The following TCF4 variants were observed in gnomAD, a reference collection of about 807,000 sequenced individuals.
The protein encoded by TCF4 is SL3-3 enhancer factor 2.
A neutral mutation model predicts 82.1 loss-of-function variants in TCF4; 3 were observed. That is an observed-to-expected ratio of 0.04 (90% CI 0.02 to 0.09). TCF4 has a LOEUF of 0.09. Ranked by LOEUF, TCF4 falls within the 10% of genes least tolerant of loss-of-function variation. The probability of loss-of-function intolerance (pLI) is 1.00; values close to 1 mark genes in which losing one functional copy is unlikely to be tolerated. For missense variants in TCF4, 518 were observed against 852.7 expected (o/e 0.61, Z 4.89); for synonymous variants, 276 against 309.6 (o/e 0.89, Z 1.14).
intron 5 of TCF4, among the ~76,000 whole-genome samples, chr18:55,420,241 T>C (rs1479904101): frequency 6.6e-6 from 1 of 152,174 alleles, no homozygotes; most frequent in African/African-American, 2.4e-5. Context: ...GGGGAGAAGA[T>C]GTCTCTAAAG....
chr18:55,619,285 T>C (rs1239873720), intron 2 of TCF4, among the ~76,000 whole-genome samples: 1 of 152,192 alleles, frequency 6.6e-6, no homozygotes, highest in Non-Finnish European at 1.5e-5. Context: ...TTTTGAGAAA[T>C]CCTAACCCAT....
intron 6 of TCF4, among the ~76,000 whole-genome samples, chr18:55,366,939 T>A (rs574648910): frequency 6.6e-6 from 1 of 152,206 alleles, no homozygotes; most frequent in Non-Finnish European, 1.5e-5. Flanking sequence ...CTATTAACAA[T>A]TTTGGTTGTT....
chr18:55,616,333 G>A (rs1393900381), intron 2 of TCF4, among the ~76,000 whole-genome samples: 1 of 152,036 alleles, frequency 6.6e-6, no homozygotes, highest in African/African-American at 2.4e-5. Context: ...ATATTCCATG[G>A]TGTATATGCC....
At chr18:55,457,235 C>A (rs1054297681) in intron 5 of TCF4, among the ~76,000 whole-genome samples, 1 of 152,160 alleles carries the variant, frequency 6.6e-6, no homozygotes, top group African/African-American at 2.4e-5. Flanking sequence ...AAAACACTTA[C>A]AAGTATCAAC....
In TCF4 at chr18:55,631,947, C is replaced by A. The variant is rs182378786; in HGVS notation, c.196-559G>T. On this transcript the variant is annotated intron_variant, in intron 1 of 20. Coordinates refer to the TCF4 transcript ENST00000398339. ...AATCTCATCCTTTTAGTCCCTTAAC[C>A]CTAGTGGGGTAGCATCCTTCTGCAG... is the stretch of plus-strand genomic sequence containing the variant. Among the ~76,000 whole-genome samples the A allele has an allele frequency of 1.1e-4, 17 of 152,290 alleles. No individual in the cohort carries two copies. The East Asian group carries it at 3.1e-3, about 28-fold the overall frequency.
At chr18:55,381,923 T>G (rs568773454) in intron 6 of TCF4, among the ~76,000 whole-genome samples, 1 of 134,030 alleles carries the variant, frequency 7.5e-6, no homozygotes, top group Non-Finnish European at 1.6e-5. Flanking sequence ...TTTTTTTTTT[T>G]TTAAAAAAGG....
intron 8 of TCF4, among the ~76,000 whole-genome samples, chr18:55,308,271 A>T (rs570600148): frequency 5.3e-5 from 8 of 152,360 alleles, no homozygotes; most frequent in South Asian, 2.1e-4. Context: ...ACATATTTTT[A>T]AAAAATTTTA....
rs2045984041 is a variant in TCF4 at position 55,222,367 on chromosome 18, A to T, written c.*5668T>A. The T allele has an allele frequency of 6.6e-6, 1 of 152,226 alleles. No individual in the cohort carries two copies. Among genetic ancestry groups the T allele is most frequent in the African/African-American group, 2.4e-5 (1 of 41,440 alleles). 9.4% of individuals were successfully genotyped at this position (152,226 alleles called of 1,614,324 possible). On this transcript the variant is annotated 3_prime_UTR_variant, in exon 20 of 20. Transcript: ENST00000354452. ...GCTCTTTTATATATATTTAAAACAC[A>T]CAGTAAGAACATAAGAACATCTCAA... is the stretch of plus-strand genomic sequence containing the variant.
chr18:55,444,421 T>C (rs2095491496), intron 5 of TCF4, among the ~76,000 whole-genome samples: 1 of 152,180 alleles, frequency 6.6e-6, no homozygotes, highest in African/African-American at 2.4e-5. Context: ...CAGCAGAGGA[T>C]GGTGACCGGG....
intron 6 of TCF4, among the ~76,000 whole-genome samples, chr18:55,397,364 C>A (rs1268535670): frequency 6.6e-6 from 1 of 152,140 alleles, no homozygotes; most frequent in Non-Finnish European, 1.5e-5. Flanking sequence ...GAAACGAAAT[C>A]TAATAATTCT....
intron 3 of TCF4, among the ~76,000 whole-genome samples, chr18:55,539,333 G>T (rs568939842): frequency 2.0e-5 from 3 of 152,300 alleles, no homozygotes; most frequent in South Asian, 4.1e-4. Flanking sequence ...AAGGGCTTTG[G>T]TGGGCAAAGA....
chr18:55,594,646 C>T (rs943024378), intron 2 of TCF4, among the ~76,000 whole-genome samples: 1 of 152,104 alleles, frequency 6.6e-6, no homozygotes, highest in Non-Finnish European at 1.5e-5. Flanking sequence ...TGACTCCTGT[C>T]GCTTAAGCTC....
At chr18:55,246,793 C>T (rs560545338) in intron 15 of TCF4, among the ~76,000 whole-genome samples, 231 of 151,672 alleles carry the variant, frequency 1.5e-3, no homozygotes, top group Non-Finnish European at 2.9e-3. Context: ...ATCTGCTCTC[C>T]GAAATACTTG....
chr18:55,233,770 G>A (rs1334276332), intron 16 of TCF4, among the ~76,000 whole-genome samples: 2 of 143,180 alleles, frequency 1.4e-5, no homozygotes, highest in Non-Finnish European at 3.0e-5. Flanking sequence ...AGTGAGCTGA[G>A]ATCGCACCAC....
chr18:55,324,380 C>T (rs922534264), intron 8 of TCF4, among the ~76,000 whole-genome samples: 2 of 152,194 alleles, frequency 1.3e-5, no homozygotes, highest in African/African-American at 4.8e-5. Flanking sequence ...GGCTTGTCAA[C>T]TGAGACATTT....
chr18:55,538,295 C>T (rs547972967), intron 3 of TCF4, among the ~76,000 whole-genome samples: 3 of 152,236 alleles, frequency 2.0e-5, no homozygotes, highest in African/African-American at 7.2e-5. Flanking sequence ...CCAGTACCCC[C>T]TAAAAGACAA....
At chr18:55,228,773 C>G in intron 18 of TCF4, 74 bp downstream of exon 18, 1 of 1,482,662 alleles carries the variant, frequency 6.7e-7, no homozygotes. Context: ...CTGCTCAAGA[C>G]TGGCGTGCCC....
At chr18:55,322,105 CTTT>C (rs1213553765) in intron 8 of TCF4, 519 of 867,062 alleles carry the variant, frequency 6.0e-4, no homozygotes, top group Middle Eastern at 2.7e-3. Flanking sequence ...TTTTTTTTTC[CTTT>C]TTTTTTTTTT....
At chr18:55,289,069 C>G (rs763206512) in intron 8 of TCF4, among the ~76,000 whole-genome samples, 1 of 152,178 alleles carries the variant, frequency 6.6e-6, no homozygotes, top group Admixed American at 6.5e-5. Flanking sequence ...GTGTATCAGA[C>G]GAATGCCCAC....
Sources: gnomAD v4.1 joint callset for allele counts (sites outside exome capture counted in the v4.1 genomes callset) on GRCh38, gnomAD v4.1.1 for gene constraint, MANE v1.5 for transcripts, NCBI Gene and HGNC (gene_info 2026-07-23, HGNC 2026-07-21) for gene names.